Variants in PDZRN4 observed in about 807,000 individuals in gnomAD.
PDZRN4 encodes PDZ domain-containing RING finger protein 4.
In PDZRN4, 70 loss-of-function variants were observed where a neutral mutation model predicts 99.0. That is an observed-to-expected ratio of 0.71 (90% CI 0.58 to 0.86). The LOEUF (loss-of-function observed/expected upper bound fraction) is 0.86. Among genes scored for constraint, PDZRN4 ranks in the 40% least tolerant of loss-of-function variants. The pLI, the probability that PDZRN4 is intolerant of heterozygous loss-of-function variation, is 0.00. For missense variants in PDZRN4, 1,474 were observed against 1,331.2 expected (o/e 1.11, Z -1.67); for synonymous variants, 551 against 501.6 (o/e 1.10, Z -1.32).
intron 3 of PDZRN4, among the ~76,000 whole-genome samples, chr12:41,417,584 C>T (rs1048206888): frequency 6.6e-6 from 1 of 152,176 alleles, no homozygotes; most frequent in Non-Finnish European, 1.5e-5. Context: ...TGCAATACAG[C>T]AGGCCACTAA....
intron 3 of PDZRN4, among the ~76,000 whole-genome samples, chr12:41,444,878 A>C (rs759875893): frequency 6.6e-6 from 1 of 152,090 alleles, no homozygotes; most frequent in Non-Finnish European, 1.5e-5. Flanking sequence ...TTCCTTATTC[A>C]AGACCTTTGA....
intron 3 of PDZRN4, among the ~76,000 whole-genome samples, chr12:41,378,725 G>A (rs528841217): frequency 2.6e-5 from 4 of 151,932 alleles, no homozygotes; most frequent in Non-Finnish European, 5.9e-5. Context: ...GTTTCACCAC[G>A]TTGGCCAAGC....
At chr12:41,311,761 T>C (rs1479175702) in intron 3 of PDZRN4, among the ~76,000 whole-genome samples, 2 of 152,226 alleles carry the variant, frequency 1.3e-5, no homozygotes, top group Non-Finnish European at 2.9e-5. Context: ...AATACATTTA[T>C]ATCAGGTGTA....
At position 41,381,486 on chromosome 12, in the gene PDZRN4, G is replaced by A. The variant is rs192440305; in HGVS notation, c.844-124970G>A. Among the ~76,000 whole-genome samples the A allele has an allele frequency of 7.0e-4, 106 of 152,106 alleles. 3 individuals carry two copies. Among genetic ancestry groups the A allele is most frequent in the African/African-American group, 2.0e-3 (83 of 41,520 alleles). ...CAAACAACCTGTCTTCAAGTTCACT[G>A]ACTCTTTATTCCACTTGAGTGTGCT... On this transcript the variant is annotated intron_variant, in intron 3 of 9. Coordinates refer to ENST00000402685, the MANE Select transcript of PDZRN4 (RefSeq NM_001164595.2).
At chr12:41,394,072 G>GT (rs1952228395) in intron 3 of PDZRN4, among the ~76,000 whole-genome samples, 1 of 152,166 alleles carries the variant, frequency 6.6e-6, no homozygotes, top group Admixed American at 6.6e-5. Context: ...TGAGATCAGA[G>GT]TGCAAACATG....
At chr12:41,431,947 G>A (rs1952589457) in intron 3 of PDZRN4, among the ~76,000 whole-genome samples, 1 of 152,152 alleles carries the variant, frequency 6.6e-6, no homozygotes, top group Non-Finnish European at 1.5e-5. Flanking sequence ...AAAAGGCAAA[G>A]TTCTAGGTTT....
At chr12:41,437,698 C>T in intron 3 of PDZRN4, 11 of 1,396,706 alleles carry the variant, frequency 7.9e-6, no homozygotes, top group Non-Finnish European at 1.0e-5. Context: ...GGAGTGTTGC[C>T]ATGAACTGAC....
chr12:41,245,634 G>A (rs138024966), intron 3 of PDZRN4, among the ~76,000 whole-genome samples: 1 of 152,126 alleles, frequency 6.6e-6, no homozygotes, highest in East Asian at 1.9e-4. Context: ...GGGAATATAG[G>A]GATTCATTCT....
intron 3 of PDZRN4, among the ~76,000 whole-genome samples, chr12:41,224,454 C>A (rs1323229461): frequency 5.3e-5 from 8 of 152,088 alleles, no homozygotes; most frequent in Admixed American, 5.2e-4. Flanking sequence ...GGGGTATGAA[C>A]AAGAGTGGAA....
chr12:41,435,246 T>C (rs774325805), intron 3 of PDZRN4, among the ~76,000 whole-genome samples: 12 of 152,242 alleles, frequency 7.9e-5, no homozygotes, highest in Admixed American at 3.3e-4. Context: ...GTTCATTCTA[T>C]ACTTTTTGAT....
In PDZRN4 at chr12:41,479,520, G is replaced by A. The variant is rs11180944; in HGVS notation, c.844-26936G>A. 7.0e-3 allele frequency among the ~76,000 whole-genome samples: 1,062 copies of A among 152,226 alleles called. 38 individuals carry two copies. In the East Asian group the frequency reaches 0.12, roughly 18 times the overall value. On this transcript the variant is annotated intron_variant, in intron 3 of 9. Coordinates refer to ENST00000402685, the MANE Select transcript of PDZRN4 (RefSeq NM_001164595.2). ...ACTGAAGAGTGAGCAAGAAGAAATC[G>A]TTTAAATTGAAGTAGCAGTTCTCTA... is the stretch of plus-strand genomic sequence containing the variant.
At chr12:41,252,927 G>T (rs1039616476) in intron 3 of PDZRN4, among the ~76,000 whole-genome samples, 2 of 151,834 alleles carry the variant, frequency 1.3e-5, no homozygotes, top group Non-Finnish European at 2.9e-5. Flanking sequence ...ACTTAAAATG[G>T]GTATATTTTA....
At chr12:41,245,711 T>G (rs1951129603) in intron 3 of PDZRN4, among the ~76,000 whole-genome samples, 1 of 152,186 alleles carries the variant, frequency 6.6e-6, no homozygotes, top group African/African-American at 2.4e-5. Flanking sequence ...GGCAATATAA[T>G]GGATGAAACA....
At chr12:41,430,913 C>A (rs764087320) in intron 3 of PDZRN4, among the ~76,000 whole-genome samples, 5 of 152,094 alleles carry the variant, frequency 3.3e-5, no homozygotes, top group African/African-American at 4.8e-5. Flanking sequence ...TGACTGAAAG[C>A]AAAGGGGGAA....
intron 3 of PDZRN4, among the ~76,000 whole-genome samples, chr12:41,327,018 A>G (rs35952173): frequency 0.093 from 14,126 of 152,240 alleles, 746 homozygotes; most frequent in South Asian, 0.13. Context: ...TCTCCAGGTC[A>G]GTATAGTCAT....
Position 41,572,392 on chromosome 12 carries a change from C to T in PDZRN4, c.1613C>T (p.Thr538Ile), listed in dbSNP as rs932211694. 1.9e-6 allele frequency: 3 copies of T among 1,613,614 alleles called. No individual in the cohort carries two copies. Among genetic ancestry groups the T allele is most frequent in the African/African-American group, 1.3e-5 (1 of 75,004 alleles). The change falls in exon 10 of 10, where the codon ACA becomes ATA. Residue 538 changes from threonine (T) to isoleucine (I), a missense_variant. By Grantham distance (89) the Thr-to-Ile change is moderately conservative (BLOSUM62 -1). Coordinates refer to ENST00000402685, the MANE Select transcript of PDZRN4 (RefSeq NM_001164595.2). ...QPKKQEEEEG[T>I]TDTATSSSNN... ...AAAAAGCAAGAAGAAGAAGAAGGCA[C>T]AACAGACACTGCAACATCCTCATCC...
chr12:41,271,729 T>C (rs561987882), intron 3 of PDZRN4, among the ~76,000 whole-genome samples: 1 of 152,224 alleles, frequency 6.6e-6, no homozygotes, highest in Non-Finnish European at 1.5e-5. Context: ...AAATCAGCGG[T>C]GACAATTCAC....
intron 3 of PDZRN4, among the ~76,000 whole-genome samples, chr12:41,338,907 A>T (rs1363428098): frequency 6.6e-6 from 1 of 152,038 alleles, no homozygotes; most frequent in Non-Finnish European, 1.5e-5. Flanking sequence ...AAACTAAAAC[A>T]ATGTAAGAAA....
At chr12:41,460,088 A>G (rs547487470) in intron 3 of PDZRN4, 2 of 1,281,660 alleles carry the variant, frequency 1.6e-6, no homozygotes, top group African/African-American at 3.1e-5. Flanking sequence ...TTCCCTATTT[A>G]TATATTTTCT....
Sources: gnomAD v4.1 joint callset for allele counts (sites outside exome capture counted in the v4.1 genomes callset) on GRCh38, gnomAD v4.1.1 for gene constraint, MANE v1.5 for transcripts, NCBI Gene and HGNC (gene_info 2026-07-23, HGNC 2026-07-21) for gene names.